The following CD3E variants were observed in gnomAD, a reference collection of about 807,000 sequenced individuals.
CD3E encodes the protein CD3 epsilon subunit of T-cell receptor complex.
In CD3E, 16 loss-of-function variants were observed where a neutral mutation model predicts 34.7. The observed-to-expected ratio is 0.46, with a 90% CI of 0.31 to 0.70. The LOEUF is 0.70. CD3E is among the 30% of genes least tolerant of loss of function. The pLI is 0.05. For missense variants in CD3E, 223 were observed against 253.9 expected (o/e 0.88, Z 0.83); for synonymous variants, 70 against 90.8 (o/e 0.77, Z 1.30).
intron 7 of CD3E, 21 bp from the exon 8 acceptor site, chr11:118,314,427 T>C (rs761115535): frequency 1.9e-6 from 3 of 1,611,388 alleles, no homozygotes; most frequent in African/African-American, 2.7e-5. Flanking sequence ...GAATGAAATG[T>C]TTCCCCTCCT....
At chr11:118,309,371 T>C (rs1033229903) in intron 4 of CD3E, among the ~76,000 whole-genome samples, 7 of 151,834 alleles carry the variant, frequency 4.6e-5, no homozygotes, top group Non-Finnish European at 8.8e-5. Flanking sequence ...AGGTCAGGAG[T>C]TCGAGACCGG....
In CD3E at chr11:118,306,264, A is replaced by C. The variant is rs187749128; in HGVS notation, c.50-1024A>C. On this transcript the variant is annotated intron_variant, in intron 2 of 8. Coordinates refer to ENST00000361763, the MANE Select transcript of CD3E (RefSeq NM_000733.4). ...TAAGCCCAGCATTTTGGGGGACCAA[A>C]GTGGGAAGATCACTTGAGCTCAGGA... Among the ~76,000 whole-genome samples the C allele has an allele frequency of 1.3e-3, 197 of 152,196 alleles. 3 individuals are homozygous for C. The highest frequency in any genetic ancestry group is 1.8e-4 in the Non-Finnish European group (12 of 68,008).
intron 4 of CD3E, among the ~76,000 whole-genome samples, chr11:118,309,543 T>C (rs1004717732): frequency 2.0e-5 from 3 of 152,082 alleles, no homozygotes; most frequent in African/African-American, 7.2e-5. Flanking sequence ...GCCATTGCAC[T>C]CCAGCCTGGG....
chr11:118,307,749 T>G (rs1278976901), intron 3 of CD3E, among the ~76,000 whole-genome samples: 1 of 152,198 alleles, frequency 6.6e-6, no homozygotes, highest in Admixed American at 6.5e-5. Context: ...CAAGTGCACA[T>G]GCATATGAGT....
intron 7 of CD3E, 64 bp downstream of exon 7, chr11:118,313,938 G>C: frequency 1.3e-6 from 2 of 1,563,200 alleles, no homozygotes; most frequent in Non-Finnish European, 8.8e-7. Context: ...CTGGGCCAGG[G>C]TGGGTGGCAA....
intron 3 of CD3E, 55 bp from the exon 4 acceptor site, chr11:118,308,372 G>C: frequency 7.0e-7 from 1 of 1,418,646 alleles, no homozygotes; most frequent in Non-Finnish European, 9.9e-7. Flanking sequence ...AGCAGGGTCT[G>C]ATCTTCATTG....
chr11:118,305,052 C>T, intron 2 of CD3E, 51 bp downstream of exon 2: 2 of 1,523,114 alleles, frequency 1.3e-6, no homozygotes, highest in Non-Finnish European at 1.8e-6. Context: ...CGCTGGAAGG[C>T]TTACAGCCTT....
intron 3 of CD3E, among the ~76,000 whole-genome samples, chr11:118,307,589 T>A (rs986693565): frequency 6.6e-6 from 1 of 152,218 alleles, no homozygotes; most frequent in Non-Finnish European, 1.5e-5. Context: ...TGTTTGCATT[T>A]CATATTTGAT....
chr11:118,310,191 T>C (rs962146259), intron 4 of CD3E, among the ~76,000 whole-genome samples: 9 of 152,162 alleles, frequency 5.9e-5, no homozygotes, highest in Admixed American at 5.2e-4. Context: ...ACTTGTGCCA[T>C]GGGGGTTTGT....
intron 4 of CD3E, among the ~76,000 whole-genome samples, chr11:118,310,687 C>A (rs772905239): frequency 1.3e-5 from 2 of 152,122 alleles, no homozygotes; most frequent in African/African-American, 4.8e-5. Context: ...AAGTTGTGAG[C>A]AATTTTCTTT....
rs1591268908 is a variant in CD3E, at chr11:118,312,382, A to G, written c.103+212A>G. On this transcript the variant is annotated intron_variant, in intron 5 of 8. Transcript: ENST00000361763. ...TTCCCAAGTCCCCATGTCCCTGCGT[A>G]AACCCTAAAGCCACCTCTCAAAAGG... is the stretch of plus-strand genomic sequence containing the variant. 2.9e-5 allele frequency: 21 copies of G among 712,320 alleles called. No individual in the cohort carries two copies. The South Asian group carries it at 3.2e-4, about 11-fold the overall frequency. 44.1% of individuals were successfully genotyped at this position (712,320 alleles called of 1,614,324 possible).
intron 2 of CD3E, among the ~76,000 whole-genome samples, chr11:118,305,779 C>A (rs1038162374): frequency 1.3e-5 from 2 of 152,250 alleles, no homozygotes; most frequent in Middle Eastern, 3.4e-3. Context: ...TAGTAAGTGC[C>A]GAAGCCAATC....
intron 7 of CD3E, 61 bp from the exon 8 acceptor site, chr11:118,314,387 G>C (rs962488788): frequency 1.4e-6 from 2 of 1,435,516 alleles, no homozygotes; most frequent in African/African-American, 2.8e-5. Flanking sequence ...CACTGGCACA[G>C]ACAGTGCTGC....
intron 4 of CD3E, among the ~76,000 whole-genome samples, chr11:118,309,627 A>G (rs1948125556): frequency 1.3e-5 from 2 of 152,218 alleles, no homozygotes; most frequent in African/African-American, 4.8e-5. Flanking sequence ...CTATTAATAC[A>G]TGGAAAGCAT....
chr11:118,314,607 A>C, intron 8 of CD3E, 113 bp downstream of exon 8: 1 of 940,374 alleles, frequency 1.1e-6, no homozygotes, highest in Non-Finnish European at 1.7e-6. Flanking sequence ...CCCCTCACTC[A>C]GGGCTTCCAT....
chr11:118,312,579 T>C, intron 5 of CD3E, 39 bp from the exon 6 acceptor site: 2 of 1,613,884 alleles, frequency 1.2e-6, no homozygotes, highest in Non-Finnish European at 8.5e-7. Flanking sequence ...TCTAAAATTG[T>C]CCTGGTTTCT....
rs141298357 is a variant in CD3E, at chr11:118,306,486, GATAAATAA to G, written c.50-768_50-761del. 3.0e-3 allele frequency among the ~76,000 whole-genome samples: 433 copies of G among 145,508 alleles called. 1 individual carries two copies. Among genetic ancestry groups the G allele is most frequent in the African/African-American group, 7.9e-3 (307 of 38,730 alleles). ...CTCCAGCCTGGAGTGTCTCAAAATA[GATAAATAA>G]ATAAATAAATAAATAAATAAATAAA... On this transcript the variant is annotated intron_variant, in intron 2 of 8. Transcript: ENST00000361763.
At chr11:118,304,829 T>C in intron 1 of CD3E, 53 bp downstream of exon 1, 2 of 835,974 alleles carry the variant, frequency 2.4e-6, no homozygotes, top group Non-Finnish European at 4.2e-6. Context: ...TTGGGAACAA[T>C]GGCCCCAGGG....
chr11:118,308,336 T>A, intron 3 of CD3E, 91 bp from the exon 4 acceptor site: 1 of 885,726 alleles, frequency 1.1e-6, no homozygotes, highest in Non-Finnish European at 1.9e-6. Flanking sequence ...TTCCTAAGAG[T>A]TGAGGGAAGA....
Sources: gnomAD v4.1 joint callset for allele counts (sites outside exome capture counted in the v4.1 genomes callset) on GRCh38, gnomAD v4.1.1 for gene constraint, MANE v1.5 for transcripts, NCBI Gene and HGNC (gene_info 2026-07-23, HGNC 2026-07-21) for gene names.